Variants in SND1 observed in about 807,000 individuals in gnomAD.
The protein encoded by SND1 is staphylococcal nuclease and tudor domain containing 1.
A neutral mutation model predicts 121.7 loss-of-function variants in SND1; 38 were observed. That is an observed-to-expected ratio of 0.31 (90% CI 0.24 to 0.41). SND1 has a LOEUF of 0.41. SND1 is among the 10% of genes least tolerant of loss of function. The pLI is 1.00. For synonymous variants in SND1, 401 were observed against 447.4 expected, an observed-to-expected ratio of 0.90 and a Z score of 1.31; for missense variants, 868 against 1,184.6, an observed-to-expected ratio of 0.73 and a Z score of 3.92.
At position 128,081,479 on chromosome 7, in the gene SND1, C is replaced by T. The variant is rs531437678; in HGVS notation, c.2088C>T (p.Phe696=). ...CTGAGATCACTGATGACCTGCACTT[C>T]TACGTGCAGGATGTGGAGACCGGTG... ...FVTEITDDLH[F]YVQDVETGTQ... is the part of the protein sequence containing the mutation. Residue 696 remains phenylalanine, a synonymous_variant, in exon 18 of 24, where the codon TTC becomes TTT. Coordinates refer to ENST00000354725, the MANE Select transcript of SND1 (RefSeq NM_014390.4). 150 of 1,614,070 alleles carry T rather than the reference C, an allele frequency of 9.3e-5. 3 individuals carry two copies. In the South Asian group the frequency reaches 1.6e-3, roughly 17 times the overall value.
At chr7:127,760,494 A>G (rs570644356) in intron 10 of SND1, among the ~76,000 whole-genome samples, 1 of 152,374 alleles carries the variant, frequency 6.6e-6, no homozygotes, top group South Asian at 2.1e-4. Context: ...TCACCTGCTC[A>G]TAGCCTGTTA....
At chr7:127,949,333 C>T (rs1469760631) in intron 15 of SND1, 1 of 152,178 alleles carries the variant, frequency 6.6e-6, no homozygotes, top group African/African-American at 2.4e-5. Context: ...TTGCATCAAA[C>T]TTAAAAGCAG....
chr7:127,788,008 G>A (rs1315385580), intron 10 of SND1, among the ~76,000 whole-genome samples: 4 of 152,152 alleles, frequency 2.6e-5, no homozygotes, highest in South Asian at 2.1e-4. Flanking sequence ...ACTAGTAGGC[G>A]AAACGGGTGC....
rs146062073 is a variant in SND1 at position 128,029,527 on chromosome 7, G to A, written c.1779+38471G>A. 1.6e-4 allele frequency: 260 copies of A among 1,614,082 alleles called. No homozygotes were observed. In the African/African-American group the frequency reaches 3.1e-3, roughly 19 times the overall value. ...GACATAGGGGGAGTCCGACACTTAA[G>A]TTCTGCCATCCGACCCTCAGAAATG... On this transcript the variant is annotated intron_variant, in intron 16 of 23. Transcript: ENST00000354725. This position sits in a 1 kb window ranked among gnomAD's most constrained non-coding sequence, Gnocchi z 4.2.
intron 16 of SND1, among the ~76,000 whole-genome samples, chr7:128,044,035 G>A (rs892439439): frequency 6.6e-6 from 1 of 152,150 alleles, no homozygotes; most frequent in Non-Finnish European, 1.5e-5. Context: ...CTGTGTCTGG[G>A]GACAGAAGGT....
intron 10 of SND1, among the ~76,000 whole-genome samples, chr7:127,773,640 A>T (rs1375853092): frequency 1.3e-5 from 2 of 152,198 alleles, no homozygotes; most frequent in Admixed American, 6.5e-5. Context: ...GTGGAAGAAT[A>T]GATACTTCTT....
At chr7:127,731,181 C>T (rs936463380) in intron 10 of SND1, among the ~76,000 whole-genome samples, 23 of 152,306 alleles carry the variant, frequency 1.5e-4, no homozygotes, top group East Asian at 7.7e-4. Context: ...ACTGCCCGCC[C>T]GATTCTGGTT....
intron 16 of SND1, among the ~76,000 whole-genome samples, chr7:128,047,649 C>A (rs1251771710): frequency 6.6e-6 from 1 of 152,164 alleles, no homozygotes; most frequent in African/African-American, 2.4e-5. Context: ...AGATTAGCGG[C>A]AAACTAAGAC....
intron 12 of SND1, among the ~76,000 whole-genome samples, chr7:127,883,140 T>C (rs983750442): frequency 6.6e-6 from 1 of 152,144 alleles, no homozygotes; most frequent in Non-Finnish European, 1.5e-5. Flanking sequence ...GCCCAAAAGA[T>C]AGACGAGCAG....
rs530413800 is a variant in SND1 at position 127,774,620 on chromosome 7, C to T, written c.1153-32864C>T. Among the ~76,000 whole-genome samples, 4 of 151,778 alleles carry T rather than the reference C, an allele frequency of 2.6e-5. No homozygotes were observed. In the South Asian group the frequency reaches 8.3e-4, roughly 32 times the overall value. On this transcript the variant is annotated intron_variant, in intron 10 of 23. Transcript: ENST00000354725. ...TTGAGACGGAGTCTTTCTCTGTCGC[C>T]CAGGCTGAAGTGCAGTGGCACAAGC...
chr7:127,804,353 A>G (rs924678182), intron 10 of SND1, among the ~76,000 whole-genome samples: 3 of 152,192 alleles, frequency 2.0e-5, no homozygotes, highest in African/African-American at 7.2e-5. Flanking sequence ...ACATATAATC[A>G]GACTCTGAAG....
At chr7:127,656,921 C>T (rs999712776) in intron 1 of SND1, among the ~76,000 whole-genome samples, 3 of 152,146 alleles carry the variant, frequency 2.0e-5, no homozygotes, top group African/African-American at 4.8e-5. Flanking sequence ...AAGGCTTTTC[C>T]CAGTGGTCTT....
intron 16 of SND1, among the ~76,000 whole-genome samples, chr7:128,023,682 C>T (rs563387924): frequency 6.6e-6 from 1 of 152,310 alleles, no homozygotes; most frequent in South Asian, 2.1e-4. Flanking sequence ...AGATCATCAT[C>T]CTTCTTCTCT....
intron 1 of SND1, among the ~76,000 whole-genome samples, chr7:127,668,374 C>T (rs6943385): frequency 1.3e-4 from 20 of 151,948 alleles, no homozygotes; most frequent in African/African-American, 4.1e-4. Flanking sequence ...ATTGCCCTGC[C>T]GTATGAACAC....
intron 15 of SND1, among the ~76,000 whole-genome samples, chr7:127,930,698 T>C (rs1370519380): frequency 2.0e-5 from 3 of 152,340 alleles, no homozygotes; most frequent in Middle Eastern, 3.4e-3. Context: ...GTGTGGCAGT[T>C]GTGTGAGAGA....
intron 12 of SND1, among the ~76,000 whole-genome samples, chr7:127,871,791 T>C (rs1469893603): frequency 6.6e-6 from 1 of 152,182 alleles, no homozygotes; most frequent in East Asian, 1.9e-4. Flanking sequence ...TGAATCTACA[T>C]TGAACATGCA....
At chr7:127,766,786 A>AAAAAAAAT (rs1797428315) in intron 10 of SND1, among the ~76,000 whole-genome samples, 1 of 147,332 alleles carries the variant, frequency 6.8e-6, no homozygotes. Flanking sequence ...AAAAAAAAAA[A>AAAAAAAAT]AAAAAAAAAA....
chr7:127,787,536 T>C (rs1797833913), intron 10 of SND1, among the ~76,000 whole-genome samples: 1 of 152,246 alleles, frequency 6.6e-6, no homozygotes, highest in Non-Finnish European at 1.5e-5. Context: ...AGTTGGTTTT[T>C]CATTTGATCC....
intron 15 of SND1, among the ~76,000 whole-genome samples, chr7:127,938,381 T>C (rs1315206908): frequency 6.6e-6 from 1 of 152,204 alleles, no homozygotes. Context: ...TCGAATATCT[T>C]TTAGTCTAGT....
Sources: gnomAD v4.1 joint callset for allele counts (sites outside exome capture counted in the v4.1 genomes callset) on GRCh38, gnomAD v4.1.1 for gene constraint, Gnocchi (gnomAD v3.1) non-coding constraint, MANE v1.5 for transcripts, NCBI Gene and HGNC (gene_info 2026-07-23, HGNC 2026-07-21) for gene names.